The following LETMD1 variants were observed in gnomAD, a reference collection of about 807,000 sequenced individuals.
LETMD1 encodes LETM1 domain-containing protein 1.
In LETMD1, 30 loss-of-function variants were observed where a neutral mutation model predicts 43.9. That is an observed-to-expected ratio of 0.68 (90% CI 0.51 to 0.93). The LOEUF (loss-of-function observed/expected upper bound fraction) is 0.93. Among genes scored for constraint, LETMD1 ranks in the 40% least tolerant of loss-of-function variants. LETMD1 has a pLI of 0.00. For missense variants in LETMD1, 413 were observed against 447.7 expected (o/e 0.92, Z 0.70); for synonymous variants, 176 against 163.1 (o/e 1.08, Z -0.60).
chr12:51,055,802 A>T, intron 4 of LETMD1, 33 bp from the exon 5 acceptor site: 1 of 1,527,968 alleles, frequency 6.5e-7, no homozygotes, highest in East Asian at 2.3e-5. Context: ...AGCCAGTTTC[A>T]GCAAGTGAGT....
Position 51,048,493 on chromosome 12 carries a change from G to A in LETMD1, c.122+15G>A, listed in dbSNP as rs747510492. 3.1e-6 allele frequency: 5 copies of A among 1,611,790 alleles called. No individual in the cohort carries two copies. The highest frequency in any genetic ancestry group is 4.2e-6 in the Non-Finnish European group (5 of 1,179,952). ...GGGGCCCCTCGGTGAGGGACCTGTA[G>A]CGAGAAAAGCATTTTTGACGTCCAG... On this transcript the variant is annotated intron_variant, in intron 1 of 8. Transcript: ENST00000262055.
At chr12:51,066,369 C>T in the LETMD1 span, among the ~76,000 whole-genome samples, 1 of 150,736 alleles carries the variant, frequency 6.6e-6, no homozygotes, top group Non-Finnish European at 1.5e-5. Flanking sequence ...AGGAGAATTG[C>T]TTGAACCCGG....
At position 51,053,762 on chromosome 12, in the gene LETMD1, G is replaced by GT. The variant is rs1388213103; in HGVS notation, c.391-13dup. The GT allele has an allele frequency of 1.9e-6, 3 of 1,593,860 alleles. No individual in the cohort carries two copies. The highest frequency in any genetic ancestry group is 2.6e-6 in the Non-Finnish European group (3 of 1,163,636). ...TTATTTGGGTTAAAACTGCATCTGT[G>GT]TTTATTTCTGCTTAGTTCCGCCAAG... On this transcript the variant is annotated splice_polypyrimidine_tract_variant and intron_variant, in intron 3 of 8. Transcript: ENST00000262055.
At chr12:51,049,695 T>C (rs1032078612) in intron 2 of LETMD1, among the ~76,000 whole-genome samples, 1 of 152,244 alleles carries the variant, frequency 6.6e-6, no homozygotes, top group Non-Finnish European at 1.5e-5. Flanking sequence ...AAGTGTCTAC[T>C]CTGGAGCCAG....
At chr12:51,055,235 T>C (rs1024489339) in intron 4 of LETMD1, among the ~76,000 whole-genome samples, 16 of 152,210 alleles carry the variant, frequency 1.1e-4, no homozygotes, top group African/African-American at 3.1e-4. Flanking sequence ...TTCACATGCT[T>C]TAGTTCAAAA....
At chr12:51,052,070 G>C (rs1946329637) in intron 2 of LETMD1, 22 bp from the exon 3 acceptor site, 1 of 1,609,196 alleles carries the variant, frequency 6.2e-7, no homozygotes, top group East Asian at 2.2e-5. Flanking sequence ...ATCACACTCT[G>C]TCCTCTACTT....
chr12:51,062,053 C>G (rs1948848317), downstream of LETMD1: 1 of 152,036 alleles, frequency 6.6e-6, no homozygotes, highest in South Asian at 2.1e-4. Flanking sequence ...AAACTAAAAC[C>G]AAGCAAAAAC....
chr12:51,061,603 T>C (rs1566166483), downstream of LETMD1: 2 of 152,648 alleles, frequency 1.3e-5, no homozygotes. Context: ...TTGGGATCAG[T>C]GTGAGTCACA....
chr12:51,052,268 C>A (rs778050208), intron 3 of LETMD1, 61 bp downstream of exon 3: 7 of 1,586,932 alleles, frequency 4.4e-6, no homozygotes, highest in Non-Finnish European at 5.1e-6. Context: ...TAATCAAGAT[C>A]TCAAGGTTTT....
At chr12:51,056,308 T>G (rs1370633448) in intron 6 of LETMD1, 42 bp from the exon 7 acceptor site, 1 of 1,613,828 alleles carries the variant, frequency 6.2e-7, no homozygotes, top group East Asian at 2.2e-5. Context: ...TTGCTTGAGC[T>G]CATACTATTT....
chr12:51,058,361 T>C, intron 8 of LETMD1: 1 of 530,926 alleles, frequency 1.9e-6, no homozygotes, highest in Non-Finnish European at 3.4e-6. Flanking sequence ...CATGCTAGTG[T>C]GAATTTTCCA....
At chr12:51,063,738 A>T, downstream of LETMD1, 1 of 1,529,740 alleles carries the variant, frequency 6.5e-7, no homozygotes. Flanking sequence ...CAGGACCTCT[A>T]GCGCCTGTCA....
downstream of LETMD1, chr12:51,064,146 T>C (rs781476382): frequency 1.2e-5 from 20 of 1,614,026 alleles, no homozygotes; most frequent in South Asian, 2.2e-4. Context: ...ACTGTTCAAG[T>C]AGGATGGGCT....
rs764850164 is a variant in LETMD1 at position 51,055,977 on chromosome 12, T to C, written c.616T>C (p.Ser206Pro). Residue 206 changes from serine (S) to proline (P), a missense_variant, in exon 5 of 9, where the codon TCT becomes CCT. Coordinates refer to ENST00000262055, the MANE Select transcript of LETMD1 (RefSeq NM_015416.5). Reference protein sequence around the residue: ...SYLEKVIPLISDAGLRWRLTD... With the variant: ...SYLEKVIPLIPDAGLRWRLTD... The stretch of plus-strand genomic sequence containing the variant: ...TTTAGAAAAGGTCATCCCTCTCATT[T>C]CTGATGCAGGACTCCGGTGGCGTCT... The C allele has an allele frequency of 8.1e-6, 13 of 1,614,070 alleles. No homozygotes were observed. Among genetic ancestry groups the C allele is most frequent in the Non-Finnish European group, 9.3e-6 (11 of 1,180,038 alleles).
At chr12:51,062,378 G>C (rs1419835532), downstream of LETMD1, 2 of 152,150 alleles carry the variant, frequency 1.3e-5, no homozygotes, top group Admixed American at 6.5e-5. Flanking sequence ...CTCCATTTTA[G>C]AACAGAGACA....
downstream of LETMD1, chr12:51,061,671 CAT>C (rs1244161953): frequency 2.0e-5 from 3 of 152,318 alleles, no homozygotes; most frequent in African/African-American, 7.2e-5. Context: ...TTTTCAGAAA[CAT>C]ATCTTGTGGG....
intron 2 of LETMD1, 148 bp from the exon 3 acceptor site, chr12:51,051,944 A>C (rs760900275): frequency 1.7e-6 from 1 of 595,722 alleles, no homozygotes; most frequent in Non-Finnish European, 2.8e-6. Flanking sequence ...AGTTGACCTC[A>C]GGAGTTTCAA....
Position 51,056,452 on chromosome 12 carries a change from G to T in LETMD1, c.865G>T (p.Ala289Ser). 1 of 1,614,138 alleles carries T rather than the reference G, an allele frequency of 6.2e-7. No homozygotes were observed. Among genetic ancestry groups the T allele is most frequent in the Non-Finnish European group, 8.5e-7 (1 of 1,180,038 alleles). Residue 289 changes from alanine to serine, a missense_variant, in exon 7 of 9, where the codon GCT (alanine) becomes TCT (serine). By Grantham distance (99) the Ala-to-Ser change is moderately conservative. Coordinates refer to ENST00000262055, the MANE Select transcript of LETMD1 (RefSeq NM_015416.5). Reference sequence around the variant, plus strand: ...AACTGTGATTCACCAACTGGACAAGGCTTTGGCAAAGCTGGGGATTGGCCA... The same window carrying T: ...AACTGTGATTCACCAACTGGACAAGTCTTTGGCAAAGCTGGGGATTGGCCA... ...HTTVIHQLDKALAKLGIGQLT... is the reference protein window; with the variant it reads ...HTTVIHQLDKSLAKLGIGQLT...
rs559602295 is a variant in LETMD1, at chr12:51,051,416, A to C, written c.275-676A>C. ...AAAACTCCATCTCAAAAACAAAAATAAGTGTTCCAGGCCGGGCGCAGTGAC... is the reference window on the plus strand; with the variant it reads ...AAAACTCCATCTCAAAAACAAAAATCAGTGTTCCAGGCCGGGCGCAGTGAC... On this transcript the variant is annotated intron_variant, in intron 2 of 8. Transcript: ENST00000262055. Among the ~76,000 whole-genome samples the C allele has an allele frequency of 2.0e-5, 3 of 151,220 alleles. No individual in the cohort carries two copies. In the South Asian group the frequency reaches 6.3e-4, roughly 32 times the overall value.
Sources: gnomAD v4.1 joint callset for allele counts (sites outside exome capture counted in the v4.1 genomes callset) on GRCh38, gnomAD v4.1.1 for gene constraint, MANE v1.5 for transcripts, NCBI Gene and HGNC (gene_info 2026-07-23, HGNC 2026-07-21) for gene names.